EXOC4: variants seen among roughly 807,000 people sequenced by gnomAD.
The protein encoded by EXOC4 is SEC8-like 1.
A neutral mutation model predicts 107.2 loss-of-function variants in EXOC4; 71 were observed. That is an observed-to-expected ratio of 0.66 (90% CI 0.55 to 0.81). EXOC4 has a LOEUF of 0.81. EXOC4 is among the 30% of genes least tolerant of loss of function. The pLI, the probability that EXOC4 is intolerant of heterozygous loss-of-function variation, is 0.00. For missense variants in EXOC4, 1,108 were observed against 1,189.6 expected (o/e 0.93, Z 1.01); for synonymous variants, 456 against 441.2 (o/e 1.03, Z -0.42).
At chr7:133,863,441 C>T (rs560922123) in intron 11 of EXOC4, among the ~76,000 whole-genome samples, 2 of 152,170 alleles carry the variant, frequency 1.3e-5, no homozygotes, top group Admixed American at 6.5e-5. Context: ...AACATCGAGA[C>T]ACAGTAACCA....
At chr7:133,292,700 T>C (rs1794434370) in intron 3 of EXOC4, among the ~76,000 whole-genome samples, 1 of 152,180 alleles carries the variant, frequency 6.6e-6, no homozygotes. Flanking sequence ...TTCCATAAGC[T>C]CATATGTTTC....
intron 17 of EXOC4, chr7:134,010,373 T>C (rs1347742212): frequency 2.0e-5 from 3 of 152,202 alleles, no homozygotes; most frequent in Non-Finnish European, 2.9e-5. Flanking sequence ...AAAAAGCGTA[T>C]CTTCCTTGCA....
chr7:133,313,803 G>C (rs768736898), intron 4 of EXOC4, among the ~76,000 whole-genome samples: 1 of 152,018 alleles, frequency 6.6e-6, no homozygotes, highest in Non-Finnish European at 1.5e-5. Flanking sequence ...GCTTGTTTTG[G>C]GTTTAATTTG....
chr7:133,747,466 G>A (rs904722915), intron 10 of EXOC4, among the ~76,000 whole-genome samples: 1 of 152,088 alleles, frequency 6.6e-6, no homozygotes, highest in Non-Finnish European at 1.5e-5. Context: ...TTCTTACAGG[G>A]AATAAACTTG....
chr7:133,564,923 C>T (rs1436514370), intron 9 of EXOC4, among the ~76,000 whole-genome samples: 1 of 152,092 alleles, frequency 6.6e-6, no homozygotes, highest in African/African-American at 2.4e-5. Context: ...TCACAGTGTT[C>T]CAGGGGTTCC....
chr7:133,356,512 A>T lies in EXOC4; in HGVS notation c.946A>T (p.Thr316Ser), dbSNP rs766479473. 33 of 1,614,102 alleles carry T rather than the reference A, an allele frequency of 2.0e-5. No homozygotes were observed. The highest frequency in any genetic ancestry group is 2.8e-5 in the Non-Finnish European group (33 of 1,179,998). ...GAAGCAAATTGTGAAGAGGTCTACAACCCAGGTGGCAGACAGTGGCTATCA... is the reference window on the plus strand; with the variant it reads ...GAAGCAAATTGTGAAGAGGTCTACATCCCAGGTGGCAGACAGTGGCTATCA... Reference protein sequence around the residue: ...ELKQIVKRSTTQVADSGYQRG... With the variant: ...ELKQIVKRSTSQVADSGYQRG... Residue 316 changes from threonine (T) to serine (S), a missense_variant, in exon 6 of 18, where the codon ACC becomes TCC. By Grantham distance (58) the Thr-to-Ser change is moderately conservative (BLOSUM62 1). Transcript: ENST00000253861.
chr7:133,826,855 C>A (rs1207562191), intron 11 of EXOC4, among the ~76,000 whole-genome samples: 2 of 152,074 alleles, frequency 1.3e-5, no homozygotes, highest in Non-Finnish European at 2.9e-5. Flanking sequence ...AAAAAATGTC[C>A]AGTGAACACC....
At chr7:133,775,390 C>T (rs980651356) in intron 10 of EXOC4, among the ~76,000 whole-genome samples, 4 of 152,208 alleles carry the variant, frequency 2.6e-5, no homozygotes, top group Non-Finnish European at 5.9e-5. Context: ...TTCATTTAAG[C>T]AGTCAGTTTG....
chr7:133,649,041 A>G (rs1381351128), intron 10 of EXOC4, among the ~76,000 whole-genome samples: 1 of 152,176 alleles, frequency 6.6e-6, no homozygotes, highest in African/African-American at 2.4e-5. Flanking sequence ...AAGCCTCAGT[A>G]TACCACTCAT....
intron 9 of EXOC4, among the ~76,000 whole-genome samples, chr7:133,628,342 C>T (rs2151013141): frequency 6.6e-6 from 1 of 152,322 alleles, no homozygotes; most frequent in East Asian, 1.9e-4. Context: ...TGGCCCACTT[C>T]AAGCCTTCTC....
In EXOC4 at chr7:133,288,930, G is replaced by T. The variant is rs530657357; in HGVS notation, c.285G>T (p.Glu95Asp). 22 of 1,614,086 alleles carry T rather than the reference G, an allele frequency of 1.4e-5. 1 individual carries two copies. In the South Asian group the frequency reaches 2.0e-4, roughly 15 times the overall value. The change falls in exon 3 of 18, where the codon GAG becomes GAT. Residue 95 changes from glutamate to aspartate, a missense_variant. Glu to Asp is a conservative substitution (Grantham distance 45, BLOSUM62 2). Coordinates refer to ENST00000253861, the MANE Select transcript of EXOC4 (RefSeq NM_021807.4). ...NSRNKIKQVK[E>D]NLLSCKMLLH... ...AATCTGTTTTATTGTAGGTAAAAGA[G>T]AACCTGCTTTCATGCAAGATGCTGC...
At chr7:133,606,510 T>C (rs542562985) in intron 9 of EXOC4, among the ~76,000 whole-genome samples, 1 of 143,596 alleles carries the variant, frequency 7.0e-6, no homozygotes, top group African/African-American at 2.7e-5. Flanking sequence ...TTATTATTAT[T>C]ATTATTATTT....
At chr7:133,518,550 A>G (rs1799923734) in intron 9 of EXOC4, among the ~76,000 whole-genome samples, 1 of 152,118 alleles carries the variant, frequency 6.6e-6, no homozygotes, top group South Asian at 2.1e-4. Flanking sequence ...ACCCATGTTC[A>G]TAGCAGCATC....
intron 7 of EXOC4, among the ~76,000 whole-genome samples, chr7:133,380,290 A>G (rs1270533563): frequency 7.6e-6 from 1 of 131,442 alleles, no homozygotes; most frequent in Non-Finnish European, 1.7e-5. Context: ...AAAATAAAAT[A>G]AAATGAGTGA....
intron 12 of EXOC4, among the ~76,000 whole-genome samples, chr7:133,909,032 A>G (rs1229003012): frequency 6.6e-6 from 1 of 151,866 alleles, no homozygotes; most frequent in South Asian, 2.1e-4. Context: ...GTTCCCCTCC[A>G]TGTGTCCATG....
At chr7:133,933,899 T>G (rs1015503230) in intron 13 of EXOC4, among the ~76,000 whole-genome samples, 24 of 152,232 alleles carry the variant, frequency 1.6e-4, no homozygotes, top group Non-Finnish European at 3.1e-4. Flanking sequence ...AGTTGTTTTT[T>G]GGAGAACATA....
intron 9 of EXOC4, among the ~76,000 whole-genome samples, chr7:133,504,792 G>A (rs757543256): frequency 2.6e-4 from 40 of 151,942 alleles, no homozygotes; most frequent in Non-Finnish European, 4.6e-4. Context: ...GAGTCTCTGG[G>A]ACTCTTTTCC....
intron 9 of EXOC4, among the ~76,000 whole-genome samples, chr7:133,605,675 G>A (rs919701557): frequency 2.6e-5 from 4 of 152,192 alleles, no homozygotes; most frequent in Non-Finnish European, 4.4e-5. Flanking sequence ...TTAGAGTCAT[G>A]CTTAATGGAA....
At chr7:133,566,145 T>G (rs1800902110) in intron 9 of EXOC4, among the ~76,000 whole-genome samples, 1 of 152,214 alleles carries the variant, frequency 6.6e-6, no homozygotes, top group South Asian at 2.1e-4. Context: ...TGATTTTAAT[T>G]GAGCTACACC....
Sources: gnomAD v4.1 joint callset for allele counts (sites outside exome capture counted in the v4.1 genomes callset) on GRCh38, gnomAD v4.1.1 for gene constraint, MANE v1.5 for transcripts, NCBI Gene and HGNC (gene_info 2026-07-23, HGNC 2026-07-21) for gene names.